The following PPP2R1A variants were observed in gnomAD, a reference collection of about 807,000 sequenced individuals.
PPP2R1A encodes the protein protein phosphatase 2 scaffold subunit Aalpha, also known as serine/threonine-protein phosphatase 2A 65 kDa regulatory subunit A alpha isoform.
Under a neutral mutation model 67.1 loss-of-function variants are expected in PPP2R1A, and 15 were observed. The observed-to-expected ratio is 0.22, with a 90% CI of 0.15 to 0.34. PPP2R1A has a LOEUF of 0.34. Ranked by LOEUF, PPP2R1A falls within the 10% of genes least tolerant of loss-of-function variation. The pLI is 1.00. For synonymous variants in PPP2R1A, 337 were observed against 325.0 expected (o/e 1.04, Z -0.40); for missense variants, 369 against 775.0 (o/e 0.48, Z 6.22).
chr19:52,218,844 G>A lies in PPP2R1A; in HGVS notation c.1129-847G>A, dbSNP rs112302249. On this transcript the variant is annotated intron_variant, in intron 9 of 14. Coordinates refer to ENST00000322088, the MANE Select transcript of PPP2R1A (RefSeq NM_014225.6). ...TGCTCCAGTTTCACCTTCAGCAAGC[G>A]CTATATGGTAATCGTGTGCTGGCAG... Among the ~76,000 whole-genome samples the A allele has an allele frequency of 6.0e-3, 906 of 152,254 alleles. 11 individuals are homozygous for A. Among genetic ancestry groups the A allele is most frequent in the African/African-American group, 0.021 (861 of 41,548 alleles).
At position 52,215,954 on chromosome 19, in the gene PPP2R1A, A is replaced by G. The variant is rs750154018; in HGVS notation, c.923-50A>G. On this transcript the variant is annotated intron_variant, in intron 7 of 14. Coordinates refer to ENST00000322088, the MANE Select transcript of PPP2R1A (RefSeq NM_014225.6). ...GGGTATCCAAGGGGCTGGAGGTGGAACTAGCACATCAGGTCTCACTTCCCT... is the reference window on the plus strand; with the variant it reads ...GGGTATCCAAGGGGCTGGAGGTGGAGCTAGCACATCAGGTCTCACTTCCCT... The G allele has an allele frequency of 9.9e-6, 16 of 1,609,902 alleles. 1 individual carries two copies. The South Asian group carries it at 1.6e-4, about 17-fold the overall frequency.
At chr19:52,208,068 A>G (rs2122319075) in intron 3 of PPP2R1A, among the ~76,000 whole-genome samples, 1 of 152,294 alleles carries the variant, frequency 6.6e-6, no homozygotes, top group South Asian at 2.1e-4. Flanking sequence ...GGAAACCCAG[A>G]GATGTGTCAG....
intron 3 of PPP2R1A, among the ~76,000 whole-genome samples, chr19:52,207,878 C>CA (rs1373396079): frequency 6.6e-6 from 1 of 152,088 alleles, no homozygotes; most frequent in African/African-American, 2.4e-5. Flanking sequence ...ACAAGGGAGG[C>CA]AGGGGGGTCC....
Position 52,220,351 on chromosome 19 carries a change from C to T in PPP2R1A, c.1363+102C>T. On this transcript the variant is annotated intron_variant, in intron 11 of 14. Coordinates refer to ENST00000322088, the MANE Select transcript of PPP2R1A (RefSeq NM_014225.6). ...GGCAGTGGAGGAGGCTAGAGTCACT[C>T]CCCACGCCGCTGGATGCTCGTATGG... 4.0e-6 allele frequency: 5 copies of T among 1,251,994 alleles called. No homozygotes were observed. The South Asian group carries it at 6.0e-5, about 15-fold the overall frequency. 77.6% of individuals were successfully genotyped at this position (1,251,994 alleles called of 1,614,324 possible). A position where few individuals can be genotyped will look rare whatever the true frequency, so the allele number is the denominator to read the frequency against.
intron 13 of PPP2R1A, among the ~76,000 whole-genome samples, chr19:52,225,076 G>A (rs933251283): frequency 1.5e-5 from 2 of 131,098 alleles, no homozygotes. Flanking sequence ...GGAGTGCAAT[G>A]ATGCAATCTT....
intron 3 of PPP2R1A, among the ~76,000 whole-genome samples, chr19:52,208,186 G>A (rs376279378): frequency 2.0e-5 from 3 of 152,022 alleles, no homozygotes; most frequent in African/African-American, 2.4e-5. Flanking sequence ...TTTTTTTCCC[G>A]AGATGGAGTT....
chr19:52,200,323 AG>A (rs1168664247), intron 1 of PPP2R1A: 3 of 152,218 alleles, frequency 2.0e-5, no homozygotes, highest in Admixed American at 2.0e-4. Context: ...TGAAGAAATG[AG>A]GGGAGAGTTT....
chr19:52,215,593 G>A (rs560595811), intron 6 of PPP2R1A, among the ~76,000 whole-genome samples, 186 bp from the exon 7 acceptor site: 5 of 152,318 alleles, frequency 3.3e-5, no homozygotes, highest in African/African-American at 9.6e-5. Context: ...GGAAGCAAAA[G>A]AGGCTCAGCG....
chr19:52,221,995 CTG>C (rs1978962271), intron 12 of PPP2R1A, 102 bp from the exon 13 acceptor site: 1 of 1,240,304 alleles, frequency 8.1e-7, no homozygotes, highest in Non-Finnish European at 1.1e-6. Flanking sequence ...TGCTCAGCCT[CTG>C]TGGGGCCTGA....
chr19:52,207,207 A>G (rs1478729860), intron 3 of PPP2R1A, among the ~76,000 whole-genome samples: 1 of 152,196 alleles, frequency 6.6e-6, no homozygotes, highest in East Asian at 1.9e-4. Context: ...CATGAGCATG[A>G]TGAGGTTTGG....
intron 1 of PPP2R1A, chr19:52,201,687 G>A (rs958536826): frequency 1.2e-4 from 60 of 485,956 alleles, no homozygotes; most frequent in Non-Finnish European, 2.0e-4. Flanking sequence ...CCTGGAAAGT[G>A]CAACTGAGTA....
At chr19:52,220,759 A>C (rs1447329294) in intron 11 of PPP2R1A, among the ~76,000 whole-genome samples, 1 of 152,212 alleles carries the variant, frequency 6.6e-6, no homozygotes, top group Non-Finnish European at 1.5e-5. Flanking sequence ...AAATGAAGCC[A>C]GTAGTGGAAC....
Position 52,206,671 on chromosome 19 carries a change from G to A in PPP2R1A, c.270+608G>A, listed in dbSNP as rs554555430. On this transcript the variant is annotated intron_variant, in intron 3 of 14. Transcript: ENST00000322088. ...TCTTGGTCTGTCCATTTGACTGTCT[G>A]CCAGGTCCCCACCCCACTGCCTGCC... Among the ~76,000 whole-genome samples, 14 of 152,246 alleles carry A rather than the reference G, an allele frequency of 9.2e-5. No homozygotes were observed. The South Asian group carries it at 2.5e-3, about 27-fold the overall frequency.
chr19:52,225,011 CTTTTTT>C (rs61015844), intron 13 of PPP2R1A, among the ~76,000 whole-genome samples: 2 of 101,074 alleles, frequency 2.0e-5, no homozygotes, highest in African/African-American at 4.3e-5. Flanking sequence ...TTGAGTTTAC[CTTTTTT>C]TTTTTTTTTT....
At chr19:52,190,259 G>T in intron 1 of PPP2R1A, 85 bp downstream of exon 1, 3 of 1,451,754 alleles carry the variant, frequency 2.1e-6, no homozygotes, top group Non-Finnish European at 2.8e-6. Context: ...CTCAGCGTTC[G>T]CTGGGAGTGG....
intron 14 of PPP2R1A, 32 bp from the exon 15 acceptor site, chr19:52,225,933 G>A: frequency 1.2e-6 from 2 of 1,614,232 alleles, no homozygotes; most frequent in Non-Finnish European, 1.7e-6. Flanking sequence ...GAGGGCTCTG[G>A]TTCTGATTCT....
chr19:52,227,342 A>G lies in PPP2R1A; in HGVS notation c.*1361A>G, dbSNP rs8110881. On this transcript the variant is annotated 3_prime_UTR_variant, in exon 15 of 15. Coordinates refer to ENST00000322088, the MANE Select transcript of PPP2R1A (RefSeq NM_014225.6). ...ATGATCTTAGGCGTGAAGGTCAAGT[A>G]AGGCAGGACAAGAGAGAAGGAGCCT... 0.16 allele frequency: 24,576 copies of G among 152,136 alleles called. 2,565 individuals are homozygous for G. The highest frequency in any genetic ancestry group is 0.3 in the African/African-American group (12,456 of 41,410). The allele number at this position is 152,136 out of a possible 1,614,324, so 9.4% of individuals were successfully genotyped here.
At position 52,216,377 on chromosome 19, in the gene PPP2R1A, A is replaced by G; in HGVS notation, c.994-152A>G. ...CTTAAGTAGGTGGTACTCATAAGGA[A>G]TAGTGATTTCCCCTGTACCCTAAGC... On this transcript the variant is annotated intron_variant, in intron 8 of 14. Coordinates refer to ENST00000322088, the MANE Select transcript of PPP2R1A (RefSeq NM_014225.6). This position sits in a 1 kb window ranked among gnomAD's most constrained non-coding sequence, Gnocchi z 4.3. 1 of 1,050,792 alleles carries G rather than the reference A, an allele frequency of 9.5e-7. No individual in the cohort carries two copies. Among genetic ancestry groups the G allele is most frequent in the Non-Finnish European group, 1.4e-6 (1 of 731,584 alleles). 65.1% of individuals were successfully genotyped at this position (1,050,792 alleles called of 1,614,324 possible).
At chr19:52,221,487 C>T (rs970734207) in intron 12 of PPP2R1A, among the ~76,000 whole-genome samples, 1 of 152,062 alleles carries the variant, frequency 6.6e-6, no homozygotes, top group Non-Finnish European at 1.5e-5. Context: ...TAGGTCAGAC[C>T]TAGTTTTAAA....
Sources: gnomAD v4.1 joint callset for allele counts (sites outside exome capture counted in the v4.1 genomes callset) on GRCh38, gnomAD v4.1.1 for gene constraint, Gnocchi (gnomAD v3.1) non-coding constraint, MANE v1.5 for transcripts, NCBI Gene and HGNC (gene_info 2026-07-23, HGNC 2026-07-21) for gene names.